Variants in APBA2 observed in about 807,000 individuals in gnomAD.
APBA2 encodes amyloid-beta A4 precursor protein-binding family A member 2.
APBA2 carries 30 observed loss-of-function variants against 75.0 expected under a neutral mutation model. The ratio of observed to expected loss-of-function variants is 0.40; its 90% CI spans 0.30 to 0.54. The LOEUF (loss-of-function observed/expected upper bound fraction) is 0.54, where lower values mean the gene tolerates loss of function less well. Among genes scored for constraint, APBA2 ranks in the 20% least tolerant of loss-of-function variants. The pLI is 0.49. For missense variants in APBA2, 801 were observed against 1,016.1 expected (o/e 0.79, Z 2.88); for synonymous variants, 444 against 409.6 (o/e 1.08, Z -1.01).
chr15:28,946,331 A>C (rs1009125867), intron 2 of APBA2, among the ~76,000 whole-genome samples: 1 of 152,196 alleles, frequency 6.6e-6, no homozygotes, highest in Non-Finnish European at 1.5e-5. Context: ...GACCCTTATA[A>C]GAAGGAAGCT....
At chr15:28,888,798 G>A (rs542778462) in intron 1 of APBA2, among the ~76,000 whole-genome samples, 2 of 152,294 alleles carry the variant, frequency 1.3e-5, no homozygotes, top group South Asian at 4.1e-4. Context: ...CCCTCCCCAT[G>A]CAGTCTCAGT....
chr15:29,044,872 C>T (rs200627596), intron 3 of APBA2, among the ~76,000 whole-genome samples: 2 of 152,276 alleles, frequency 1.3e-5, no homozygotes, highest in East Asian at 3.9e-4. Flanking sequence ...ATTTATTTCT[C>T]ACAGCTCTGG....
intron 6 of APBA2, among the ~76,000 whole-genome samples, chr15:29,088,511 C>T (rs1271238645): frequency 2.0e-5 from 3 of 152,172 alleles, no homozygotes; most frequent in Non-Finnish European, 4.4e-5. Flanking sequence ...CTAGCGTCCT[C>T]ATCTTCTCTC....
chr15:28,936,556 C>T (rs73366738), intron 2 of APBA2, among the ~76,000 whole-genome samples: 1 of 152,230 alleles, frequency 6.6e-6, no homozygotes, highest in Non-Finnish European at 1.5e-5. Context: ...TCCCAAGGCA[C>T]TAGTGCCTGC....
intron 10 of APBA2, chr15:29,102,542 G>C (rs1209164678): frequency 2.6e-5 from 4 of 152,668 alleles, no homozygotes; most frequent in Admixed American, 1.3e-4. Flanking sequence ...GATCACCTGA[G>C]GTCAGGAGTT....
At chr15:29,090,762 TG>T (rs1411875269) in intron 6 of APBA2, among the ~76,000 whole-genome samples, 1 of 152,048 alleles carries the variant, frequency 6.6e-6, no homozygotes, top group Non-Finnish European at 1.5e-5. Context: ...GGGGCTTCAC[TG>T]GGGGGTGCCT....
intron 2 of APBA2, among the ~76,000 whole-genome samples, chr15:28,935,574 C>T (rs1348450106): frequency 1.3e-5 from 2 of 152,174 alleles, no homozygotes; most frequent in Non-Finnish European, 2.9e-5. Flanking sequence ...GCATGAAGTT[C>T]AGGGTTGCAG....
chr15:28,966,305 A>G (rs980498122), intron 2 of APBA2, among the ~76,000 whole-genome samples: 14 of 151,918 alleles, frequency 9.2e-5, no homozygotes, highest in African/African-American at 3.1e-4. Context: ...GACATCCCCA[A>G]ATATTATTGT....
At chr15:29,075,282 T>C (rs987982154) in intron 5 of APBA2, among the ~76,000 whole-genome samples, 4 of 152,182 alleles carry the variant, frequency 2.6e-5, no homozygotes, top group African/African-American at 9.7e-5. Flanking sequence ...TGGGGGACCA[T>C]TGGTACTACT....
chr15:29,098,636 T>C, intron 9 of APBA2, 60 bp downstream of exon 9: 1 of 1,368,476 alleles, frequency 7.3e-7, no homozygotes, highest in Non-Finnish European at 1.0e-6. Context: ...CTCCTTCTTG[T>C]CCCATGGTAT....
intron 2 of APBA2, among the ~76,000 whole-genome samples, chr15:28,943,679 T>G (rs76124830): frequency 5.9e-4 from 90 of 152,186 alleles, no homozygotes; most frequent in African/African-American, 2.1e-3. Flanking sequence ...GTTCTGGGCC[T>G]CCTCCATCAG....
At chr15:29,020,135 T>C (rs1389796563) in intron 3 of APBA2, among the ~76,000 whole-genome samples, 1 of 152,232 alleles carries the variant, frequency 6.6e-6, no homozygotes, top group Non-Finnish European at 1.5e-5. Flanking sequence ...CTTTTTCTTA[T>C]TGATATCTAG....
chr15:28,985,831 A>AGAGAGATAGAAGACAAAGAAGGAC (rs1366508058), intron 2 of APBA2, among the ~76,000 whole-genome samples: 68 of 152,310 alleles, frequency 4.5e-4, no homozygotes, highest in African/African-American at 1.6e-3. Flanking sequence ...TGAAGGAAGG[A>AGAGAGATAGAAGACAAAGAAGGAC]GAGAGATAGA....
chr15:28,995,506 C>T (rs1195599406), intron 2 of APBA2, among the ~76,000 whole-genome samples: 3 of 152,166 alleles, frequency 2.0e-5, no homozygotes, highest in Non-Finnish European at 4.4e-5. Flanking sequence ...GGTACATAAG[C>T]CATCTCTTTA....
intron 3 of APBA2, among the ~76,000 whole-genome samples, chr15:29,038,849 T>G (rs2040877316): frequency 6.6e-6 from 1 of 151,678 alleles, no homozygotes. Flanking sequence ...GATTTTTGTA[T>G]GTTTAGTAGA....
rs2033145123 is a variant in APBA2, at chr15:28,906,562, G to A, written c.-204-15078G>A. Reference sequence around the variant, plus strand: ...GGCATTCAGAGTGTCAACAGATATTGCCAAGTTGCTCTCTGGACAGGTGGT... The same window carrying A: ...GGCATTCAGAGTGTCAACAGATATTACCAAGTTGCTCTCTGGACAGGTGGT... On this transcript the variant is annotated intron_variant, in intron 1 of 14. Coordinates refer to ENST00000683413, the MANE Select transcript of APBA2 (RefSeq NM_001353788.2). Among the ~76,000 whole-genome samples the A allele has an allele frequency of 3.3e-5, 5 of 152,206 alleles. No homozygotes were observed. The South Asian group carries it at 1.0e-3, about 32-fold the overall frequency.
chr15:29,054,478 C>T lies in APBA2; in HGVS notation c.594C>T (p.Pro198=), dbSNP rs768325383. 9.7e-5 allele frequency: 157 copies of T among 1,613,872 alleles called. No individual in the cohort carries two copies. In the East Asian group the frequency reaches 3.0e-3, roughly 30 times the overall value. ...ASKEGYQDYY[P]EEANGNTGAS... Reference sequence around the variant, plus strand: ...AAGAGGGCTACCAGGACTACTACCCCGAGGAGGCCAACGGGAACACCGGCG... The same window carrying T: ...AAGAGGGCTACCAGGACTACTACCCTGAGGAGGCCAACGGGAACACCGGCG... The change falls in exon 4 of 15, where the codon CCC becomes CCT. Residue 198 remains proline (P), a synonymous_variant. Transcript: ENST00000683413. The surrounding 1 kb of genome is among the most constrained non-coding windows in gnomAD (Gnocchi z 6.1).
intron 2 of APBA2, chr15:28,970,493 C>T (rs1328819131): frequency 6.9e-6 from 1 of 143,894 alleles, no homozygotes; most frequent in Non-Finnish European, 1.5e-5. Flanking sequence ...CCTGGGGCCA[C>T]ATAGTGAGAC....
chr15:29,036,545 G>A (rs1208345998), intron 3 of APBA2, among the ~76,000 whole-genome samples: 1 of 152,120 alleles, frequency 6.6e-6, no homozygotes, highest in Admixed American at 6.6e-5. Context: ...AGCGATATGG[G>A]GCCTCCCCAC....
Sources: gnomAD v4.1 joint callset for allele counts (sites outside exome capture counted in the v4.1 genomes callset) on GRCh38, gnomAD v4.1.1 for gene constraint, Gnocchi (gnomAD v3.1) non-coding constraint, MANE v1.5 for transcripts, NCBI Gene and HGNC (gene_info 2026-07-23, HGNC 2026-07-21) for gene names.